Variants in SCAPER observed in about 807,000 individuals in gnomAD.
SCAPER encodes the protein S-phase cyclin A associated protein in the ER, also known as S phase cyclin A-associated protein in the endoplasmic reticulum.
Under a neutral mutation model 182.2 loss-of-function variants are expected in SCAPER, and 98 were observed. That is an observed-to-expected ratio of 0.54 (90% CI 0.46 to 0.64). SCAPER has a LOEUF of 0.64. Among genes scored for constraint, SCAPER ranks in the 30% least tolerant of loss-of-function variants. SCAPER has a pLI of 0.00. For synonymous variants in SCAPER, 605 were observed against 564.6 expected (o/e 1.07, Z -1.01); for missense variants, 1,432 against 1,690.0 (o/e 0.85, Z 2.68).
intron 24 of SCAPER, among the ~76,000 whole-genome samples, chr15:76,493,012 C>T (rs968857182): frequency 4.0e-5 from 6 of 151,826 alleles, no homozygotes; most frequent in African/African-American, 7.3e-5. Flanking sequence ...CCCTGTCTTG[C>T]GGCTCGTTCT....
At chr15:76,551,295 T>C (rs1231100966) in intron 23 of SCAPER, among the ~76,000 whole-genome samples, 1 of 152,128 alleles carries the variant, frequency 6.6e-6, no homozygotes, top group Non-Finnish European at 1.5e-5. Flanking sequence ...ATGGCCAAGA[T>C]ATGGAATCAA....
chr15:76,637,555 A>C (rs1473673377), intron 21 of SCAPER, among the ~76,000 whole-genome samples: 2 of 151,482 alleles, frequency 1.3e-5, no homozygotes, highest in East Asian at 3.9e-4. Context: ...TTTTTTTTTT[A>C]ATTAGCCAGG....
At chr15:76,644,715 C>T (rs1320924343) in intron 21 of SCAPER, among the ~76,000 whole-genome samples, 1 of 152,054 alleles carries the variant, frequency 6.6e-6, no homozygotes, top group Non-Finnish European at 1.5e-5. Context: ...GAGCACAGTC[C>T]TACTTTAAAA....
In SCAPER at chr15:76,514,831, C is replaced by A. The variant is rs187006980; in HGVS notation, c.2839-9857G>T. Among the ~76,000 whole-genome samples, 276 of 152,250 alleles carry A rather than the reference C, an allele frequency of 1.8e-3. 1 individual carries two copies. The highest frequency in any genetic ancestry group is 4.6e-3 in the Admixed American group (70 of 15,292). Reference sequence around the variant, plus strand: ...TACTAACACTTAAAAGACATCATTTCCACTTTTCTACTATCCTTGTCTGTT... The same window carrying A: ...TACTAACACTTAAAAGACATCATTTACACTTTTCTACTATCCTTGTCTGTT... On this transcript the variant is annotated intron_variant, in intron 23 of 31. Coordinates refer to ENST00000563290, the MANE Select transcript of SCAPER (RefSeq NM_020843.4).
At chr15:76,605,185 G>A (rs963737522) in intron 22 of SCAPER, among the ~76,000 whole-genome samples, 9 of 152,154 alleles carry the variant, frequency 5.9e-5, no homozygotes, top group African/African-American at 1.9e-4. Context: ...TTATTATTTT[G>A]AGATACGACC....
chr15:76,859,792 C>A (rs141793074), intron 3 of SCAPER, among the ~76,000 whole-genome samples: 72 of 152,080 alleles, frequency 4.7e-4, no homozygotes, highest in African/African-American at 1.6e-3. Flanking sequence ...AGTGCAGTGG[C>A]GCGATCTCGG....
chr15:76,770,651 T>G (rs1249046824), intron 10 of SCAPER, among the ~76,000 whole-genome samples: 1 of 152,172 alleles, frequency 6.6e-6, no homozygotes, highest in Non-Finnish European at 1.5e-5. Context: ...AATTTTTAAT[T>G]ATTTCATGCT....
chr15:76,535,404 C>T (rs2044048127), intron 23 of SCAPER, among the ~76,000 whole-genome samples: 1 of 151,318 alleles, frequency 6.6e-6, no homozygotes, highest in Admixed American at 6.6e-5. Context: ...CACCTGTAGT[C>T]CCAGCTACTC....
chr15:76,866,133 C>G (rs908707771), intron 2 of SCAPER, among the ~76,000 whole-genome samples: 1 of 152,144 alleles, frequency 6.6e-6, no homozygotes, highest in Non-Finnish European at 1.5e-5. Context: ...ATCACTATTG[C>G]TTCCAGGCCA....
At chr15:76,441,768 T>C (rs1596639696) in intron 25 of SCAPER, among the ~76,000 whole-genome samples, 1 of 152,206 alleles carries the variant, frequency 6.6e-6, no homozygotes, top group African/African-American at 2.4e-5. Context: ...CTTACTCAAC[T>C]TTATTTTTCT....
At position 76,483,382 on chromosome 15, in the gene SCAPER, T is replaced by C. The variant is rs150103049; in HGVS notation, c.2955-12047A>G. On this transcript the variant is annotated intron_variant, in intron 24 of 31. Transcript: ENST00000563290. The stretch of plus-strand genomic sequence containing the variant: ...GGATTATATACCTAAATGTAAATCA[T>C]AAAACCTTAAAACTTCTAGAGAATA... Among the ~76,000 whole-genome samples the C allele has an allele frequency of 8.6e-5, 13 of 151,402 alleles. No homozygotes were observed. The East Asian group carries it at 1.4e-3, about 16-fold the overall frequency.
intron 1 of SCAPER, among the ~76,000 whole-genome samples, chr15:76,898,643 A>C (rs1460910847): frequency 6.6e-6 from 1 of 152,360 alleles, no homozygotes; most frequent in South Asian, 2.1e-4. Flanking sequence ...CAGACACAAA[A>C]GGCTTCGTAC....
In SCAPER at chr15:76,593,685, T is replaced by A. The variant is rs188875309; in HGVS notation, c.2712-19401A>T. 6.0e-4 allele frequency among the ~76,000 whole-genome samples: 73 copies of A among 121,384 alleles called. 3 individuals carry two copies. The highest frequency in any genetic ancestry group is 1.8e-3 in the African/African-American group (73 of 39,802). The allele number at this position is 121,384 out of a possible 152,430, so 79.6% of individuals were successfully genotyped here. On this transcript the variant is annotated intron_variant, in intron 22 of 31. Coordinates refer to ENST00000563290, the MANE Select transcript of SCAPER (RefSeq NM_020843.4). ...ACTGGTGATACCGAGGCAAACAGGA[T>A]CTGGAGTGGACCTCCAGCAAACTCC...
At chr15:76,525,002 A>G (rs570668272) in intron 23 of SCAPER, among the ~76,000 whole-genome samples, 1 of 152,152 alleles carries the variant, frequency 6.6e-6, no homozygotes, top group Non-Finnish European at 1.5e-5. Flanking sequence ...TACCTAAAAA[A>G]TATATAGGCA....
chr15:76,760,865 A>G (rs2062732958), intron 14 of SCAPER, among the ~76,000 whole-genome samples: 1 of 152,190 alleles, frequency 6.6e-6, no homozygotes, highest in South Asian at 2.1e-4. Flanking sequence ...AGAGACCAAT[A>G]TAATATTTCT....
intron 23 of SCAPER, among the ~76,000 whole-genome samples, chr15:76,535,063 G>A (rs1339077957): frequency 6.6e-6 from 1 of 152,050 alleles, no homozygotes; most frequent in Non-Finnish European, 1.5e-5. Context: ...AACGTATACA[G>A]AAACATAGGG....
At chr15:76,572,407 G>A (rs1418836307) in intron 23 of SCAPER, among the ~76,000 whole-genome samples, 10 of 152,184 alleles carry the variant, frequency 6.6e-5, no homozygotes, top group Non-Finnish European at 1.5e-4. Context: ...ACAAGTACTA[G>A]TTTCTGAACC....
intron 2 of SCAPER, among the ~76,000 whole-genome samples, chr15:76,876,234 C>T (rs1047586151): frequency 2.0e-4 from 31 of 152,104 alleles, no homozygotes; most frequent in African/African-American, 7.5e-4. Flanking sequence ...CCGGCTCTGG[C>T]CTCAACCAGC....
intron 29 of SCAPER, among the ~76,000 whole-genome samples, chr15:76,367,329 T>C (rs1321869934): frequency 6.6e-6 from 1 of 152,244 alleles, no homozygotes; most frequent in Non-Finnish European, 1.5e-5. Context: ...AGGTGTTCCC[T>C]GTGATTACAG....
Sources: allele counts gnomAD v4.1 joint callset (sites outside exome capture counted in the v4.1 genomes callset), GRCh38; gene constraint gnomAD v4.1.1; transcripts MANE v1.5; gene names NCBI Gene and HGNC (gene_info 2026-07-23, HGNC 2026-07-21).